ARHGAP28: variants seen among roughly 807,000 people sequenced by gnomAD.
ARHGAP28 encodes the protein rho GTPase-activating protein 28.
ARHGAP28 carries 56 observed loss-of-function variants against 90.7 expected under a neutral mutation model. That is an observed-to-expected ratio of 0.62 (90% confidence interval 0.50 to 0.77). ARHGAP28 has a LOEUF of 0.77. Ranked by LOEUF, ARHGAP28 falls within the 30% of genes least tolerant of loss-of-function variation. The pLI, the probability that ARHGAP28 is intolerant of heterozygous loss-of-function variation, is 0.00. For missense variants in ARHGAP28, 869 were observed against 900.9 expected (o/e 0.96, Z 0.45); for synonymous variants, 308 against 323.3 (o/e 0.95, Z 0.51).
At chr18:6,784,588 AG>A (rs1162153286) in intron 1 of ARHGAP28, among the ~76,000 whole-genome samples, 1 of 152,234 alleles carries the variant, frequency 6.6e-6, no homozygotes, top group Admixed American at 6.5e-5. Context: ...GGCAGATGTT[AG>A]GGATACAAAG....
rs2057416181 is a variant in ARHGAP28, at chr18:6,915,084, AATG to A, written c.*2935_*2937del. Reference sequence around the variant, plus strand: ...AGTGTATGTTTAATAATATACATTTAATGATGAAAAATATTTTCAGCAAAGCTT... The same window carrying A: ...AGTGTATGTTTAATAATATACATTTAATGAAAAATATTTTCAGCAAAGCTT... On this transcript the variant is annotated 3_prime_UTR_variant, in exon 18 of 18. Coordinates refer to ENST00000383472, the MANE Select transcript of ARHGAP28 (RefSeq NM_001366230.1). The A allele has an allele frequency of 1.3e-5, 2 of 152,576 alleles. No homozygotes were observed. Among genetic ancestry groups the A allele is most frequent in the Non-Finnish European group, 2.9e-5 (2 of 68,032 alleles). The allele number at this position is 152,576 out of a possible 1,614,324, so 9.5% of individuals were successfully genotyped here.
chr18:6,797,340 C>G (rs2056448561), intron 1 of ARHGAP28, among the ~76,000 whole-genome samples: 1 of 152,180 alleles, frequency 6.6e-6, no homozygotes, highest in African/African-American at 2.4e-5. Context: ...GTTGCCAACT[C>G]AAGGATTTCC....
At chr18:6,827,733 C>T (rs1415868994) in intron 2 of ARHGAP28, among the ~76,000 whole-genome samples, 4 of 151,312 alleles carry the variant, frequency 2.6e-5, no homozygotes, top group Non-Finnish European at 4.4e-5. Flanking sequence ...TGGAGGGGCT[C>T]CTCATTTCTC....
chr18:6,894,749 C>G, intron 14 of ARHGAP28, 86 bp from the exon 15 acceptor site: 1 of 1,084,074 alleles, frequency 9.2e-7, no homozygotes, highest in African/African-American at 1.6e-5. Context: ...AAAATGTTCT[C>G]CATAAAGATT....
chr18:6,859,891 C>G lies in ARHGAP28; in HGVS notation c.720C>G (p.Asp240Glu). The G allele has an allele frequency of 6.2e-7, 1 of 1,614,018 alleles. No individual in the cohort carries two copies. The highest frequency in any genetic ancestry group is 8.5e-7 in the Non-Finnish European group (1 of 1,179,876). ...KEGSFAVPRSDSVAILETIPV... is the reference protein window; with the variant it reads ...KEGSFAVPRSESVAILETIPV... ...GGAGTTTTGCGGTTCCCAGGAGTGA[C>G]TCTGTGGTAAGTCATCCATGTCAGC... is the stretch of plus-strand genomic sequence containing the variant. The change falls in exon 5 of 18, where the codon GAC becomes GAG. Residue 240 changes from aspartate (D) to glutamate (E), a missense_variant. By Grantham distance (45) the Asp-to-Glu change is conservative. Transcript: ENST00000383472.
chr18:6,778,768 T>G (rs2056303532), intron 1 of ARHGAP28, among the ~76,000 whole-genome samples: 1 of 152,238 alleles, frequency 6.6e-6, no homozygotes, highest in African/African-American at 2.4e-5. Flanking sequence ...TATTCTCTTT[T>G]AAAGACCTTT....
chr18:6,753,984 C>T (rs1360793881), intron 1 of ARHGAP28, among the ~76,000 whole-genome samples: 2 of 152,162 alleles, frequency 1.3e-5, no homozygotes, highest in African/African-American at 4.8e-5. Context: ...ATCAATAGCT[C>T]TAAAATATAT....
chr18:6,765,022 C>T (rs1194396067), intron 1 of ARHGAP28, among the ~76,000 whole-genome samples: 2 of 152,140 alleles, frequency 1.3e-5, no homozygotes, highest in Admixed American at 1.3e-4. Context: ...CAGTCAGACA[C>T]AAGATGTTAC....
At chr18:6,828,115 G>C (rs372918642) in intron 2 of ARHGAP28, among the ~76,000 whole-genome samples, 147 of 152,282 alleles carry the variant, frequency 9.7e-4, no homozygotes, top group African/African-American at 3.5e-3. Context: ...TTGGGAGGCC[G>C]AGGCTGGCAG....
intron 1 of ARHGAP28, chr18:6,789,878 A>G (rs2056393882): frequency 6.6e-6 from 1 of 151,878 alleles, no homozygotes; most frequent in African/African-American, 2.4e-5. Flanking sequence ...CCCAGGCTAA[A>G]GCACAGTGGC....
chr18:6,851,156 A>T, intron 4 of ARHGAP28, 30 bp downstream of exon 4: 1 of 1,597,060 alleles, frequency 6.3e-7, no homozygotes, highest in Non-Finnish European at 8.6e-7. Context: ...GGATGGTGGT[A>T]GGCATGAAAT....
At chr18:6,864,038 G>A (rs958149604) in intron 5 of ARHGAP28, among the ~76,000 whole-genome samples, 7 of 151,484 alleles carry the variant, frequency 4.6e-5, no homozygotes, top group Non-Finnish European at 4.4e-5. Context: ...GAGCCACCAC[G>A]CCTGGCTTGT....
At position 6,738,944 on chromosome 18, in the gene ARHGAP28, C is replaced by T. The variant is rs191340066; in HGVS notation, c.122+9001C>T. Among the ~76,000 whole-genome samples, 268 of 152,220 alleles carry T rather than the reference C, an allele frequency of 1.8e-3. 1 individual carries two copies. The highest frequency in any genetic ancestry group is 6.0e-3 in the African/African-American group (249 of 41,524). ...GCCCTAATCATGCCCTGTGGTCCTGCGATGTTGATTCTTTAAAAATAAGTC... is the reference window on the plus strand; with the variant it reads ...GCCCTAATCATGCCCTGTGGTCCTGTGATGTTGATTCTTTAAAAATAAGTC... On this transcript the variant is annotated intron_variant, in intron 1 of 17. Transcript: ENST00000383472.
chr18:6,753,840 A>G (rs1314159612), intron 1 of ARHGAP28, among the ~76,000 whole-genome samples: 2 of 152,192 alleles, frequency 1.3e-5, no homozygotes, highest in African/African-American at 4.8e-5. Context: ...TCTGCCCATA[A>G]GAGACAGAAG....
intron 9 of ARHGAP28, chr18:6,874,967 TG>T (rs1357557232): frequency 2.0e-5 from 3 of 152,036 alleles, no homozygotes; most frequent in Admixed American, 1.3e-4. Flanking sequence ...AGAGGTGGAG[TG>T]GGAAAAGGAG....
At chr18:6,807,646 G>A (rs952529818) in intron 1 of ARHGAP28, among the ~76,000 whole-genome samples, 1 of 152,128 alleles carries the variant, frequency 6.6e-6, no homozygotes, top group Admixed American at 6.5e-5. Context: ...CTGACCCTCG[G>A]TGATTACTGG....
At chr18:6,826,487 T>TA (rs1567960356) in intron 2 of ARHGAP28, among the ~76,000 whole-genome samples, 12 of 151,440 alleles carry the variant, frequency 7.9e-5, no homozygotes, top group African/African-American at 2.9e-4. Flanking sequence ...TTTTTTTTTT[T>TA]TAATTAAAAT....
intron 1 of ARHGAP28, among the ~76,000 whole-genome samples, chr18:6,810,038 C>T (rs1012152232): frequency 1.3e-5 from 2 of 152,142 alleles, no homozygotes; most frequent in Admixed American, 6.5e-5. Context: ...TTAATGGATA[C>T]TTTGGAGAAA....
In ARHGAP28 at chr18:6,898,190, G is replaced by T. The variant is rs868653751; in HGVS notation, c.2030+1564G>T. 19 of 300,846 alleles carry T rather than the reference G, an allele frequency of 6.3e-5. 1 individual carries two copies. The Middle Eastern group carries it at 2.9e-3, about 46-fold the overall frequency. 18.6% of individuals were successfully genotyped at this position (300,846 alleles called of 1,614,324 possible). A position where few individuals can be genotyped will look rare whatever the true frequency, so the allele number is the denominator to read the frequency against. On this transcript the variant is annotated intron_variant, in intron 16 of 17. Coordinates refer to ENST00000383472, the MANE Select transcript of ARHGAP28 (RefSeq NM_001366230.1). ...CATCAGGAGAAAAACTTGAGAGATGGGTGCACCAAAATCTCAGAAATTACC... is the reference window on the plus strand; with the variant it reads ...CATCAGGAGAAAAACTTGAGAGATGTGTGCACCAAAATCTCAGAAATTACC...
Sources: gnomAD v4.1 joint callset for allele counts (sites outside exome capture counted in the v4.1 genomes callset) on GRCh38, gnomAD v4.1.1 for gene constraint, MANE v1.5 for transcripts, NCBI Gene and HGNC (gene_info 2026-07-23, HGNC 2026-07-21) for gene names.